ADAMTS9: variants seen among roughly 807,000 people sequenced by gnomAD.
ADAMTS9 encodes the protein ADAM metallopeptidase with thrombospondin type 1 motif 9.
ADAMTS9 carries 107 observed loss-of-function variants against 257.1 expected under a neutral mutation model. That is an observed-to-expected ratio of 0.42 (90% CI 0.36 to 0.49). The LOEUF (loss-of-function observed/expected upper bound fraction) is 0.49. Among genes scored for constraint, ADAMTS9 ranks in the 20% least tolerant of loss-of-function variants. ADAMTS9 has a pLI of 0.03. For synonymous variants in ADAMTS9, 982 were observed against 880.9 expected, an observed-to-expected ratio of 1.11 and a Z score of -2.03; for missense variants, 2,353 against 2,469.1, an observed-to-expected ratio of 0.95 and a Z score of 1.00.
chr3:64,586,616 A>C (rs2084160743), intron 28 of ADAMTS9: 1 of 152,206 alleles, frequency 6.6e-6, no homozygotes, highest in Non-Finnish European at 1.5e-5. Context: ...GGCAATTATC[A>C]GTCAATTTGC....
chr3:64,556,533 G>A (rs1484368687), intron 30 of ADAMTS9, among the ~76,000 whole-genome samples: 1 of 152,094 alleles, frequency 6.6e-6, no homozygotes, highest in African/African-American at 2.4e-5. Context: ...TGTTGCCTAG[G>A]CTGGTCTCAA....
At chr3:64,529,188 A>T (rs1401601711) in intron 38 of ADAMTS9, among the ~76,000 whole-genome samples, 1 of 152,236 alleles carries the variant, frequency 6.6e-6, no homozygotes. Context: ...TATTTTAACC[A>T]TAATTAGGTT....
Position 64,645,617 on chromosome 3 carries a change from AT to A in ADAMTS9, c.1710+2322del, listed in dbSNP as rs912927173. Among the ~76,000 whole-genome samples the A allele has an allele frequency of 2.6e-5, 4 of 152,228 alleles. No homozygotes were observed. The South Asian group carries it at 6.2e-4, about 24-fold the overall frequency. On this transcript the variant is annotated intron_variant, in intron 11 of 39. Transcript: ENST00000498707. ...TGCCAATATATTCACCTTCTTTGGC[AT>A]TTCTAGAATGTGTAAATACTCTTCA...
At chr3:64,635,143 C>A (rs1352983008) in intron 12 of ADAMTS9, among the ~76,000 whole-genome samples, 1 of 152,174 alleles carries the variant, frequency 6.6e-6, no homozygotes, top group Non-Finnish European at 1.5e-5. Context: ...ACTCTGAGCA[C>A]CGAGGCAGGA....
intron 28 of ADAMTS9, among the ~76,000 whole-genome samples, chr3:64,574,352 G>A (rs187605791): frequency 4.0e-5 from 6 of 151,886 alleles, no homozygotes; most frequent in African/African-American, 9.7e-5. Flanking sequence ...TTTTTGTATC[G>A]ATAAGGAGAC....
intron 2 of ADAMTS9, chr3:64,685,208 C>A (rs116452703): frequency 6.6e-6 from 1 of 152,366 alleles, no homozygotes; most frequent in African/African-American, 2.4e-5. Context: ...AGAACTACCC[C>A]CTCCCAGTCT....
intron 37 of ADAMTS9, among the ~76,000 whole-genome samples, chr3:64,534,542 C>G (rs553319279): frequency 6.6e-6 from 1 of 152,096 alleles, no homozygotes; most frequent in Non-Finnish European, 1.5e-5. Flanking sequence ...ATATTATATC[C>G]CAGCTCCTCA....
chr3:64,687,385 G>A lies in ADAMTS9; in HGVS notation c.115+158C>T, dbSNP rs1486158694. On this transcript the variant is annotated intron_variant, in intron 1 of 39. Transcript: ENST00000498707. This position sits in a 1 kb window ranked among gnomAD's most constrained non-coding sequence, Gnocchi z 4.4. ...CCATAGTGTCCCTCCCTAGCAATTG[G>A]TTGGGGATGACCCAAAGAAGGGAGA... is the stretch of plus-strand genomic sequence containing the variant. Among the ~76,000 whole-genome samples, 3 of 152,190 alleles carry A rather than the reference G, an allele frequency of 2.0e-5. No homozygotes were observed. The highest frequency in any genetic ancestry group is 6.5e-5 in the Admixed American group (1 of 15,284).
At chr3:64,580,717 TC>T (rs1486402075) in intron 28 of ADAMTS9, among the ~76,000 whole-genome samples, 1 of 152,194 alleles carries the variant, frequency 6.6e-6, no homozygotes, top group Non-Finnish European at 1.5e-5. Flanking sequence ...ATGCAAATAT[TC>T]AGCTATCTCT....
At chr3:64,573,815 AGG>A (rs1385298078) in intron 28 of ADAMTS9, among the ~76,000 whole-genome samples, 13 of 152,206 alleles carry the variant, frequency 8.5e-5, no homozygotes, top group African/African-American at 3.1e-4. Flanking sequence ...GGGGAGGCAA[AGG>A]AGATGCCAGC....
At chr3:64,621,636 C>A (rs58334918) in intron 18 of ADAMTS9, among the ~76,000 whole-genome samples, 1,747 of 152,002 alleles carry the variant, frequency 0.011, 34 homozygotes, top group African/African-American at 0.04. Flanking sequence ...GTGGCATGCA[C>A]CTGTGATCCC....
chr3:64,637,751 C>T (rs1700535069), intron 12 of ADAMTS9, among the ~76,000 whole-genome samples: 1 of 152,188 alleles, frequency 6.6e-6, no homozygotes, highest in Non-Finnish European at 1.5e-5. Context: ...AAGAAGGGGC[C>T]TGATGGCCAA....
rs116140061 is a variant in ADAMTS9 at position 64,630,853 on chromosome 3, C to T, written c.2389+602G>A. On this transcript the variant is annotated intron_variant, in intron 16 of 39. Coordinates refer to ENST00000498707, the MANE Select transcript of ADAMTS9 (RefSeq NM_182920.2). ...CTGTTGAAAATCAACACAGGGTCATCGGCATGTTGTGGTTTAAATATAAGG... is the reference window on the plus strand; with the variant it reads ...CTGTTGAAAATCAACACAGGGTCATTGGCATGTTGTGGTTTAAATATAAGG... Among the ~76,000 whole-genome samples, 539 of 152,210 alleles carry T rather than the reference C, an allele frequency of 3.5e-3. 2 individuals are homozygous for T. Among genetic ancestry groups the T allele is most frequent in the African/African-American group, 0.012 (501 of 41,526 alleles).
chr3:64,564,370 T>C (rs1433840510), intron 29 of ADAMTS9, among the ~76,000 whole-genome samples: 2 of 152,196 alleles, frequency 1.3e-5, no homozygotes, highest in African/African-American at 4.8e-5. Context: ...AATCATAATA[T>C]ATACTTGAAA....
chr3:64,606,875 A>C, intron 23 of ADAMTS9, 85 bp downstream of exon 23: 1 of 1,550,968 alleles, frequency 6.4e-7, no homozygotes, highest in Non-Finnish European at 8.8e-7. Context: ...TATCTATGAA[A>C]GGATTTCAAT....
chr3:64,542,827 G>T (rs570002892), intron 32 of ADAMTS9, among the ~76,000 whole-genome samples: 3 of 152,228 alleles, frequency 2.0e-5, no homozygotes, highest in Admixed American at 2.0e-4. Flanking sequence ...GAATCCAGGA[G>T]CCGGTTTTTT....
chr3:64,632,938 G>C (rs369945645), intron 14 of ADAMTS9, among the ~76,000 whole-genome samples: 33 of 152,194 alleles, frequency 2.2e-4, no homozygotes, highest in African/African-American at 7.0e-4. Context: ...TCTAGCCCCT[G>C]AGAAATCACT....
chr3:64,526,596 G>A (rs577966396), intron 38 of ADAMTS9, among the ~76,000 whole-genome samples: 17 of 152,244 alleles, frequency 1.1e-4, no homozygotes, highest in African/African-American at 2.6e-4. Context: ...GGGCCTTCAC[G>A]ATACAGGCAG....
rs553883352 is a variant in ADAMTS9, at chr3:64,676,686, G to A, written c.679+4515C>T. Among the ~76,000 whole-genome samples, 155 of 152,230 alleles carry A rather than the reference G, an allele frequency of 1.0e-3. 2 individuals carry two copies. Among genetic ancestry groups the A allele is most frequent in the African/African-American group, 3.4e-3 (142 of 41,540 alleles). On this transcript the variant is annotated intron_variant, in intron 3 of 39. Coordinates refer to ENST00000498707, the MANE Select transcript of ADAMTS9 (RefSeq NM_182920.2). ...TGTATTGATCTATCTTCCTCCCAAAGGGCACTTAGGCTGTTTCCAGGCTTT... is the reference window on the plus strand; with the variant it reads ...TGTATTGATCTATCTTCCTCCCAAAAGGCACTTAGGCTGTTTCCAGGCTTT...
Sources: gnomAD v4.1 joint callset for allele counts (sites outside exome capture counted in the v4.1 genomes callset) on GRCh38, gnomAD v4.1.1 for gene constraint, Gnocchi (gnomAD v3.1) non-coding constraint, MANE v1.5 for transcripts, NCBI Gene and HGNC (gene_info 2026-07-23, HGNC 2026-07-21) for gene names.